PBX3: variants seen among roughly 807,000 people sequenced by gnomAD.
PBX3 encodes the protein PBX homeobox 3.
A neutral mutation model predicts 48.5 loss-of-function variants in PBX3; 14 were observed. The observed-to-expected ratio is 0.29, with a 90% confidence interval of 0.19 to 0.45. The LOEUF (loss-of-function observed/expected upper bound fraction) is 0.45. Ranked by LOEUF, PBX3 falls within the 20% of genes least tolerant of loss-of-function variation. The pLI, the probability that PBX3 is intolerant of heterozygous loss-of-function variation, is 1.00. For synonymous variants in PBX3, 210 were observed against 200.3 expected (o/e 1.05, Z -0.41); for missense variants, 386 against 546.7 (o/e 0.71, Z 2.93).
At chr9:125,869,764 G>GA (rs1378946822) in intron 2 of PBX3, among the ~76,000 whole-genome samples, 3 of 151,768 alleles carry the variant, frequency 2.0e-5, no homozygotes, top group Non-Finnish European at 1.5e-5. Context: ...TATATTTTAA[G>GA]AAAAAAACAA....
intron 2 of PBX3, among the ~76,000 whole-genome samples, chr9:125,761,457 A>G (rs1373481513): frequency 6.6e-6 from 1 of 152,088 alleles, no homozygotes; most frequent in African/African-American, 2.4e-5. Flanking sequence ...TCAGTGGATA[A>G]TATTTGGAAT....
At chr9:125,800,672 A>G (rs1837913594) in intron 2 of PBX3, among the ~76,000 whole-genome samples, 1 of 151,950 alleles carries the variant, frequency 6.6e-6, no homozygotes, top group Non-Finnish European at 1.5e-5. Context: ...TACTAACTAA[A>G]CATTTTAATG....
At chr9:125,801,819 A>G (rs1029514755) in intron 2 of PBX3, among the ~76,000 whole-genome samples, 3 of 152,088 alleles carry the variant, frequency 2.0e-5, no homozygotes, top group Admixed American at 6.5e-5. Context: ...ACACACACAC[A>G]CACACATATT....
At chr9:125,949,569 G>A (rs995717075) in intron 5 of PBX3, 10 of 1,297,502 alleles carry the variant, frequency 7.7e-6, no homozygotes, top group African/African-American at 7.6e-5. Context: ...AAATGCATGA[G>A]ATTCATTTTT....
At chr9:125,807,337 GAAAA>G (rs908753469) in intron 2 of PBX3, among the ~76,000 whole-genome samples, 4 of 141,360 alleles carry the variant, frequency 2.8e-5, no homozygotes, top group African/African-American at 1.0e-4. Context: ...ACTCAAAAAA[GAAAA>G]AAAAAAAGAA....
intron 2 of PBX3, among the ~76,000 whole-genome samples, chr9:125,909,380 CT>C (rs1841150703): frequency 6.6e-6 from 1 of 152,100 alleles, no homozygotes. Flanking sequence ...ATGAACACAC[CT>C]TCCTGTGGTA....
At chr9:125,917,801 T>C (rs1304273931) in intron 3 of PBX3, among the ~76,000 whole-genome samples, 3 of 152,202 alleles carry the variant, frequency 2.0e-5, no homozygotes, top group Non-Finnish European at 4.4e-5. Flanking sequence ...AGGTGTTTTC[T>C]ATTTTTGGAA....
intron 4 of PBX3, among the ~76,000 whole-genome samples, chr9:125,932,738 C>T (rs1841746103): frequency 6.6e-6 from 1 of 152,170 alleles, no homozygotes; most frequent in Non-Finnish European, 1.5e-5. Context: ...GATACTTTCC[C>T]ATTCTTGTCA....
intron 2 of PBX3, among the ~76,000 whole-genome samples, chr9:125,781,558 G>GGAGAGGC (rs1174105022): frequency 1.5e-5 from 2 of 130,608 alleles, no homozygotes; most frequent in African/African-American, 3.0e-5. Context: ...AGGGGAGAGG[G>GGAGAGGC]GAGAGGCGAG....
At position 125,763,666 on chromosome 9, in the gene PBX3, C is replaced by A. The variant is rs749974236; in HGVS notation, c.274+15043C>A. Among the ~76,000 whole-genome samples, 3 of 152,130 alleles carry A rather than the reference C, an allele frequency of 2.0e-5. No homozygotes were observed. In the South Asian group the frequency reaches 6.2e-4, roughly 32 times the overall value. On this transcript the variant is annotated intron_variant, in intron 2 of 8. Transcript: ENST00000373489. ...GAGCGAACGGTGCTGTAACAATACTCGATGATGTTTGGGATGACAGAAATT... is the reference window on the plus strand; with the variant it reads ...GAGCGAACGGTGCTGTAACAATACTAGATGATGTTTGGGATGACAGAAATT...
At chr9:125,934,312 A>G (rs1841786880) in intron 4 of PBX3, among the ~76,000 whole-genome samples, 1 of 152,224 alleles carries the variant, frequency 6.6e-6, no homozygotes, top group Non-Finnish European at 1.5e-5. Flanking sequence ...GCATACCTAT[A>G]CAACAGCCTA....
chr9:125,967,279 TC>T lies in PBX3; in HGVS notation c.*1358del, dbSNP rs1168688179. On this transcript the variant is annotated 3_prime_UTR_variant, in exon 9 of 9. Coordinates refer to ENST00000373489, the MANE Select transcript of PBX3 (RefSeq NM_006195.6). ...CTAATGTATTAAAAACGTTTCGTGT[TC>T]CTTTCTAACTGGATTACACCCTGGA... 1 of 152,684 alleles carries T rather than the reference TC, an allele frequency of 6.5e-6. No homozygotes were observed. Among genetic ancestry groups the T allele is most frequent in the Non-Finnish European group, 1.5e-5 (1 of 68,054 alleles). The allele number at this position is 152,684 out of a possible 1,614,324, so 9.5% of individuals were successfully genotyped here. A position where few individuals can be genotyped will look rare whatever the true frequency, so the allele number is the denominator to read the frequency against.
chr9:125,926,692 C>T (rs541369130), intron 3 of PBX3, among the ~76,000 whole-genome samples: 5 of 150,834 alleles, frequency 3.3e-5, no homozygotes, highest in South Asian at 4.2e-4. Flanking sequence ...TGGTGGCACA[C>T]GCCTGTAATC....
chr9:125,860,769 C>T (rs1839842048), intron 2 of PBX3, among the ~76,000 whole-genome samples: 1 of 150,876 alleles, frequency 6.6e-6, no homozygotes, highest in African/African-American at 2.4e-5. Context: ...CACCTGTAGT[C>T]GTAGCTACTT....
intron 2 of PBX3, among the ~76,000 whole-genome samples, chr9:125,788,455 TTGTC>T (rs1341516742): frequency 6.6e-6 from 1 of 152,220 alleles, no homozygotes; most frequent in East Asian, 1.9e-4. Context: ...TATCTATTCA[TTGTC>T]TGTACTTTCG....
intron 2 of PBX3, among the ~76,000 whole-genome samples, chr9:125,867,394 C>G (rs564943406): frequency 3.3e-5 from 5 of 152,166 alleles, no homozygotes; most frequent in African/African-American, 1.2e-4. Context: ...GTAATCCCAG[C>G]ACTTTGGGAG....
At chr9:125,875,954 G>A (rs1385308008) in intron 2 of PBX3, among the ~76,000 whole-genome samples, 2 of 152,160 alleles carry the variant, frequency 1.3e-5, no homozygotes, top group Non-Finnish European at 2.9e-5. Flanking sequence ...ATTCAGAGAA[G>A]GCATAGCTTC....
intron 2 of PBX3, among the ~76,000 whole-genome samples, chr9:125,827,767 A>G (rs1027450114): frequency 6.6e-6 from 1 of 152,206 alleles, no homozygotes; most frequent in Non-Finnish European, 1.5e-5. Flanking sequence ...TTTTGGTATT[A>G]TAAACATGCT....
intron 4 of PBX3, among the ~76,000 whole-genome samples, chr9:125,933,886 G>C (rs1010864834): frequency 1.3e-5 from 2 of 152,068 alleles, no homozygotes; most frequent in African/African-American, 4.8e-5. Context: ...CATTACCCAT[G>C]CACCTACTCA....
Sources: gnomAD v4.1 joint callset for allele counts (sites outside exome capture counted in the v4.1 genomes callset) on GRCh38, gnomAD v4.1.1 for gene constraint, MANE v1.5 for transcripts, NCBI Gene and HGNC (gene_info 2026-07-23, HGNC 2026-07-21) for gene names.